Variants in CDH13 observed in about 807,000 individuals in gnomAD.
The protein encoded by CDH13 is cadherin 13, also known as cadherin-13.
Under a neutral mutation model 63.8 loss-of-function variants are expected in CDH13, and 24 were observed. The observed-to-expected ratio is 0.38, with a 90% confidence interval of 0.27 to 0.53. CDH13 has a LOEUF of 0.53. CDH13 is among the 20% of genes least tolerant of loss of function. The pLI is 0.85. For missense variants in CDH13, 1,049 were observed against 903.1 expected (o/e 1.16, Z -2.07); for synonymous variants, 503 against 355.3 (o/e 1.42, Z -4.67).
chr16:82,792,743 C>T (rs550545093), intron 1 of CDH13, among the ~76,000 whole-genome samples: 1 of 152,216 alleles, frequency 6.6e-6, no homozygotes, highest in Non-Finnish European at 1.5e-5. Flanking sequence ...TTGTCACACT[C>T]CAAAATAGAA....
chr16:82,670,804 A>G (rs574426104), intron 1 of CDH13, among the ~76,000 whole-genome samples: 9 of 152,350 alleles, frequency 5.9e-5, no homozygotes, highest in African/African-American at 1.9e-4. Context: ...ATAATGTTGC[A>G]TATCATTTCA....
Position 82,795,679 on chromosome 16 carries a change from C to T in CDH13, c.46-62683C>T, listed in dbSNP as rs572269552. ...ACAGAGACCTGCATTTATCTGTAGA[C>T]CCTCCACTCTTAACCACCCTATTGA... On this transcript the variant is annotated intron_variant, in intron 1 of 13. Coordinates refer to ENST00000567109, the MANE Select transcript of CDH13 (RefSeq NM_001257.5). Among the ~76,000 whole-genome samples, 3 of 152,330 alleles carry T rather than the reference C, an allele frequency of 2.0e-5. No individual in the cohort carries two copies. In the South Asian group the frequency reaches 6.2e-4, roughly 32 times the overall value.
At chr16:83,292,239 G>T (rs576867479) in intron 5 of CDH13, among the ~76,000 whole-genome samples, 1 of 152,326 alleles carries the variant, frequency 6.6e-6, no homozygotes, top group Admixed American at 6.5e-5. Context: ...GTGGGACTTA[G>T]TGGTACTTTC....
In CDH13 at chr16:83,627,335, C is replaced by T. The variant is rs533562551; in HGVS notation, c.1101+24741C>T. On this transcript the variant is annotated intron_variant, in intron 8 of 13. Coordinates refer to ENST00000567109, the MANE Select transcript of CDH13 (RefSeq NM_001257.5). The stretch of plus-strand genomic sequence containing the variant: ...TCCTATTCATGGACCTAATACCCCA[C>T]TTCTAGGAGTGGAGTGGGATAAACT... Among the ~76,000 whole-genome samples the T allele has an allele frequency of 3.3e-5, 5 of 152,216 alleles. No individual in the cohort carries two copies. The South Asian group carries it at 6.2e-4, about 19-fold the overall frequency.
chr16:83,062,336 C>CT (rs1428788702), intron 3 of CDH13, among the ~76,000 whole-genome samples: 2 of 152,178 alleles, frequency 1.3e-5, no homozygotes, highest in African/African-American at 4.8e-5. Context: ...AGCGTTGTTT[C>CT]TTTTTTTGTT....
chr16:83,032,032 A>C lies in CDH13; in HGVS notation c.180A>C (p.Gly60=). 6.3e-7 allele frequency: 1 copy of C among 1,598,960 alleles called. No homozygotes were observed. The highest frequency in any genetic ancestry group is 8.5e-7 in the Non-Finnish European group (1 of 1,172,708). Residue 60 remains glycine (G), a synonymous_variant, in exon 3 of 14, where the codon GGA becomes GGC. Coordinates refer to ENST00000567109, the MANE Select transcript of CDH13 (RefSeq NM_001257.5). ...ILNLTFSDCK[G]NDKLRYEVSS... ...CAGTGACCTTCAGTGACTGTAAGGGAAACGACAAGCTACGCTATGAGGTCT... is the reference window on the plus strand; with the variant it reads ...CAGTGACCTTCAGTGACTGTAAGGGCAACGACAAGCTACGCTATGAGGTCT...
intron 1 of CDH13, among the ~76,000 whole-genome samples, chr16:82,765,730 C>T (rs764480918): frequency 2.0e-5 from 3 of 152,148 alleles, no homozygotes; most frequent in Non-Finnish European, 4.4e-5. Context: ...GAGTATTTCA[C>T]AGTCTAACTC....
chr16:83,431,491 T>C (rs1230768979), intron 6 of CDH13, among the ~76,000 whole-genome samples: 2 of 152,048 alleles, frequency 1.3e-5, no homozygotes, highest in Non-Finnish European at 2.9e-5. Context: ...CGTTCTTGCA[T>C]GGCTATAACT....
chr16:82,944,939 G>A (rs930781928), intron 2 of CDH13, among the ~76,000 whole-genome samples: 29 of 151,990 alleles, frequency 1.9e-4, no homozygotes, highest in African/African-American at 6.8e-4. Flanking sequence ...ATACACAGGG[G>A]GAAATACAAA....
At chr16:83,031,438 CATGTAT>C (rs1916341656) in intron 2 of CDH13, among the ~76,000 whole-genome samples, 3 of 149,050 alleles carry the variant, frequency 2.0e-5, no homozygotes, top group Non-Finnish European at 4.5e-5. Flanking sequence ...TATACATGTA[CATGTAT>C]ATGCATACAC....
intron 4 of CDH13, among the ~76,000 whole-genome samples, chr16:83,186,648 G>A (rs12925526): frequency 0.06 from 9,067 of 152,196 alleles, 339 homozygotes; most frequent in Non-Finnish European, 0.077. Flanking sequence ...TGTCGTCAGG[G>A]TTGAGAACCA....
At chr16:83,012,967 G>C (rs1161174049) in intron 2 of CDH13, among the ~76,000 whole-genome samples, 2 of 152,272 alleles carry the variant, frequency 1.3e-5, no homozygotes, top group Admixed American at 1.3e-4. Flanking sequence ...TCCCCACTCT[G>C]CTGATTGTCT....
chr16:83,704,788 A>AT (rs1202021571), intron 10 of CDH13, among the ~76,000 whole-genome samples: 2 of 152,198 alleles, frequency 1.3e-5, no homozygotes, highest in African/African-American at 2.4e-5. Flanking sequence ...TTCAATTGGA[A>AT]TTTTTTCCCA....
intron 8 of CDH13, among the ~76,000 whole-genome samples, chr16:83,645,685 G>A (rs1911726111): frequency 6.6e-6 from 1 of 151,700 alleles, no homozygotes; most frequent in South Asian, 2.1e-4. Flanking sequence ...GCACTATGCT[G>A]ACTCCCAGAA....
chr16:83,433,765 A>T (rs551424624), intron 6 of CDH13, among the ~76,000 whole-genome samples: 19 of 152,336 alleles, frequency 1.2e-4, no homozygotes, highest in African/African-American at 4.1e-4. Flanking sequence ...ATGTCACATT[A>T]CACTTGTTTA....
chr16:82,719,018 A>G (rs1023996611), intron 1 of CDH13, among the ~76,000 whole-genome samples: 2 of 152,210 alleles, frequency 1.3e-5, no homozygotes, highest in East Asian at 1.9e-4. Context: ...CATTTGTTCA[A>G]TATTTTGAAT....
At chr16:83,618,478 T>G (rs1909499637) in intron 8 of CDH13, among the ~76,000 whole-genome samples, 2 of 151,334 alleles carry the variant, frequency 1.3e-5, no homozygotes, top group South Asian at 4.2e-4. Context: ...AATACATAGT[T>G]TTATAGATGA....
At chr16:83,251,316 A>ATCATG (rs1321257843) in intron 5 of CDH13, among the ~76,000 whole-genome samples, 1 of 152,224 alleles carries the variant, frequency 6.6e-6, no homozygotes, top group Non-Finnish European at 1.5e-5. Context: ...GGTACCAGAC[A>ATCATG]TCATGTTAAG....
intron 1 of CDH13, among the ~76,000 whole-genome samples, chr16:82,634,031 A>G (rs1908348336): frequency 6.6e-6 from 1 of 152,254 alleles, no homozygotes; most frequent in Admixed American, 6.5e-5. Context: ...TTGACTTGTC[A>G]TGTCTCATTT....
Sources: allele counts gnomAD v4.1 joint callset (sites outside exome capture counted in the v4.1 genomes callset), GRCh38; gene constraint gnomAD v4.1.1; transcripts MANE v1.5; gene names NCBI Gene and HGNC (gene_info 2026-07-23, HGNC 2026-07-21).